The following LMO7 variants were observed in gnomAD, a reference collection of about 807,000 sequenced individuals.
The protein encoded by LMO7 is LIM domain only protein 7.
In LMO7, 120 loss-of-function variants were observed where a neutral mutation model predicts 206.5. The ratio of observed to expected loss-of-function variants is 0.58; its 90% CI spans 0.50 to 0.68. The LOEUF (loss-of-function observed/expected upper bound fraction) is 0.68. Among genes scored for constraint, LMO7 ranks in the 30% least tolerant of loss-of-function variants. The pLI is 0.00. For missense variants in LMO7, 1,959 were observed against 1,957.9 expected (o/e 1.00, Z -0.01); for synonymous variants, 706 against 681.5 (o/e 1.04, Z -0.56).
At chr13:75,776,749 C>G (rs2140198250) in intron 4 of LMO7, among the ~76,000 whole-genome samples, 1 of 152,246 alleles carries the variant, frequency 6.6e-6, no homozygotes, top group Admixed American at 6.5e-5. Context: ...GCATGTCATA[C>G]AGTTGATGTG....
intron 9 of LMO7, chr13:75,806,797 C>A (rs936257224): frequency 2.0e-5 from 3 of 152,302 alleles, no homozygotes; most frequent in Admixed American, 2.0e-4. Flanking sequence ...TCAGGGGACA[C>A]TTAGGCCACT....
At chr13:75,623,493 A>C (rs1455501829) in intron 2 of LMO7, among the ~76,000 whole-genome samples, 2 of 151,894 alleles carry the variant, frequency 1.3e-5, no homozygotes, top group African/African-American at 4.8e-5. Context: ...CCTCCCGAGT[A>C]GCTGGGATTA....
chr13:75,722,911 T>G (rs756088008), intron 2 of LMO7, among the ~76,000 whole-genome samples: 4 of 152,112 alleles, frequency 2.6e-5, no homozygotes, highest in Non-Finnish European at 5.9e-5. Context: ...GTGAAGTAAC[T>G]CAGGAATGAA....
intron 14 of LMO7, among the ~76,000 whole-genome samples, chr13:75,823,097 C>T (rs2057766398): frequency 6.6e-6 from 1 of 151,892 alleles, no homozygotes; most frequent in South Asian, 2.1e-4. Context: ...GACCTTTTGG[C>T]TCTCAGTTAA....
intron 1 of LMO7, among the ~76,000 whole-genome samples, chr13:75,695,245 A>G (rs2041813346): frequency 6.6e-6 from 1 of 152,222 alleles, no homozygotes; most frequent in Non-Finnish European, 1.5e-5. Flanking sequence ...GAAAGACTTG[A>G]GGGTGTTGAG....
chr13:75,704,509 G>A (rs2042513498), intron 1 of LMO7, among the ~76,000 whole-genome samples: 1 of 152,142 alleles, frequency 6.6e-6, no homozygotes, highest in South Asian at 2.1e-4. Flanking sequence ...CCCCAGCTTT[G>A]AATACAAGCT....
intron 1 of LMO7, among the ~76,000 whole-genome samples, chr13:75,669,678 A>G (rs1282503345): frequency 1.3e-5 from 2 of 152,290 alleles, no homozygotes; most frequent in East Asian, 3.9e-4. Flanking sequence ...TTAGTTGGTG[A>G]AAGCTGCTCT....
chr13:75,679,534 C>T (rs1372639589), intron 1 of LMO7, among the ~76,000 whole-genome samples: 1 of 152,194 alleles, frequency 6.6e-6, no homozygotes, highest in Non-Finnish European at 1.5e-5. Flanking sequence ...CTGCAGATTC[C>T]TGGCTCCTAC....
At chr13:75,841,003 A>T in intron 22 of LMO7, 106 bp from the exon 23 acceptor site, 1 of 689,228 alleles carries the variant, frequency 1.5e-6, no homozygotes, top group South Asian at 2.1e-5. Flanking sequence ...CATGGTCTTT[A>T]AAGGTTTGAG....
intron 4 of LMO7, among the ~76,000 whole-genome samples, chr13:75,762,547 T>C (rs533386088): frequency 6.6e-6 from 1 of 152,262 alleles, no homozygotes; most frequent in South Asian, 2.1e-4. Flanking sequence ...GTTTGTTGGC[T>C]CCCAAGTCCA....
intron 1 of LMO7, among the ~76,000 whole-genome samples, chr13:75,659,933 C>T (rs1051858706): frequency 6.7e-6 from 1 of 149,510 alleles, no homozygotes; most frequent in African/African-American, 2.5e-5. Flanking sequence ...TGCCTTCTCT[C>T]TTATTCTGTC....
chr13:75,807,541 C>T lies in LMO7; in HGVS notation c.1258C>T (p.His420Tyr), dbSNP rs767775535. 3.7e-6 allele frequency: 6 copies of T among 1,613,894 alleles called. No homozygotes were observed. The highest frequency in any genetic ancestry group is 3.4e-6 in the Non-Finnish European group (4 of 1,179,848). Residue 420 changes from histidine (H) to tyrosine (Y), a missense_variant, in exon 10 of 31, where the codon CAT (histidine) becomes TAT (tyrosine). His to Tyr is a moderately conservative substitution (Grantham distance 83). Coordinates refer to ENST00000377534, the MANE Select transcript of LMO7 (RefSeq NM_001306080.2). Reference sequence around the variant, plus strand: ...TGATGACATCTTGTCTTCTGAAACACATACCAAAATTGATCCCACTTCTGG... The same window carrying T: ...TGATGACATCTTGTCTTCTGAAACATATACCAAAATTGATCCCACTTCTGG... ...YSDDILSSET[H>Y]TKIDPTSGPR...
intron 1 of LMO7, among the ~76,000 whole-genome samples, chr13:75,641,607 C>T (rs1164663161): frequency 2.0e-5 from 3 of 152,062 alleles, no homozygotes; most frequent in Non-Finnish European, 2.9e-5. Context: ...TTTGAATGGC[C>T]AAGAAATGTC....
chr13:75,658,580 T>C lies in LMO7; in HGVS notation c.69+21854T>C, dbSNP rs147504487. The stretch of plus-strand genomic sequence containing the variant: ...CTGAATGGTATCTTATTCAACTATA[T>C]CTTATTTTTATTTTTATTTTTGAGA... On this transcript the variant is annotated intron_variant, in intron 1 of 30. Transcript: ENST00000377534. Among the ~76,000 whole-genome samples, 594 of 152,134 alleles carry C rather than the reference T, an allele frequency of 3.9e-3. 9 individuals are homozygous for C. The highest frequency in any genetic ancestry group is 4.7e-3 in the Non-Finnish European group (319 of 68,004).
chr13:75,842,522 G>A (rs1489328755), intron 24 of LMO7, among the ~76,000 whole-genome samples: 1 of 152,034 alleles, frequency 6.6e-6, no homozygotes, highest in Non-Finnish European at 1.5e-5. Context: ...TTGTTTATCT[G>A]TTAGCCTGCC....
chr13:75,773,099 A>G (rs1029856556), intron 4 of LMO7, among the ~76,000 whole-genome samples: 18 of 152,154 alleles, frequency 1.2e-4, no homozygotes, highest in Admixed American at 6.6e-4. Flanking sequence ...GTTAAAGACC[A>G]CTGCATGTCC....
At chr13:75,834,646 C>A (rs544173336) in intron 17 of LMO7, among the ~76,000 whole-genome samples, 2 of 152,246 alleles carry the variant, frequency 1.3e-5, no homozygotes, top group East Asian at 3.9e-4. Context: ...CAAATACCAA[C>A]TGAAGACAAA....
At position 75,729,187 on chromosome 13, in the gene LMO7, G is replaced by T. The variant is rs1343815770; in HGVS notation, c.210+2089G>T. On this transcript the variant is annotated intron_variant, in intron 3 of 30. Transcript: ENST00000377534. ...AGAAAGTCATTGGTAGCTTGATGGG[G>T]ATGGCATTGAATCTATAAATTACCT... Among the ~76,000 whole-genome samples, 575 of 148,394 alleles carry T rather than the reference G, an allele frequency of 3.9e-3. 2 individuals are homozygous for T. Among genetic ancestry groups the T allele is most frequent in the African/African-American group, 0.014 (552 of 40,316 alleles).
chr13:75,723,900 G>T (rs1407839690), intron 2 of LMO7, among the ~76,000 whole-genome samples: 1 of 152,138 alleles, frequency 6.6e-6, no homozygotes, highest in South Asian at 2.1e-4. Flanking sequence ...GGAAGTTCAA[G>T]ATCATGGCAC....
Sources: allele counts gnomAD v4.1 joint callset (sites outside exome capture counted in the v4.1 genomes callset), GRCh38; gene constraint gnomAD v4.1.1; transcripts MANE v1.5; gene names NCBI Gene and HGNC (gene_info 2026-07-23, HGNC 2026-07-21).